KCNIP4: variants seen among roughly 807,000 people sequenced by gnomAD.
The protein encoded by KCNIP4 is potassium voltage-gated channel interacting protein 4.
Under a neutral mutation model 34.0 loss-of-function variants are expected in KCNIP4, and 12 were observed. The ratio of observed to expected loss-of-function variants is 0.35; its 90% CI spans 0.23 to 0.57. The LOEUF is 0.57. Ranked by LOEUF, KCNIP4 falls within the 20% of genes least tolerant of loss-of-function variation. The pLI, the probability that KCNIP4 is intolerant of heterozygous loss-of-function variation, is 0.83. For synonymous variants in KCNIP4, 124 were observed against 102.2 expected (o/e 1.21, Z -1.29); for missense variants, 238 against 311.7 (o/e 0.76, Z 1.78).
At chr4:21,191,406 C>A (rs77923992) in intron 1 of KCNIP4, among the ~76,000 whole-genome samples, 2 of 152,176 alleles carry the variant, frequency 1.3e-5, no homozygotes, top group South Asian at 2.1e-4. Flanking sequence ...AGTTTAATGA[C>A]GGAAGATAGG....
intron 1 of KCNIP4, among the ~76,000 whole-genome samples, chr4:21,771,280 G>C (rs1718767731): frequency 2.6e-5 from 4 of 152,058 alleles, no homozygotes; most frequent in African/African-American, 7.2e-5. Flanking sequence ...TGAGATCTCT[G>C]TTCTGCTTCA....
intron 1 of KCNIP4, among the ~76,000 whole-genome samples, chr4:20,975,446 G>A (rs139965106): frequency 0.015 from 2,337 of 152,220 alleles, 36 homozygotes; most frequent in Middle Eastern, 0.037. Flanking sequence ...AGGGCACTCA[G>A]GCATTGACTC....
intron 1 of KCNIP4, among the ~76,000 whole-genome samples, chr4:21,570,515 G>A (rs1304764686): frequency 6.6e-6 from 1 of 152,084 alleles, no homozygotes; most frequent in African/African-American, 2.4e-5. Context: ...TGTAATATAG[G>A]AAGAAGTAGA....
At chr4:21,943,392 G>A (rs559797095) in intron 1 of KCNIP4, among the ~76,000 whole-genome samples, 1 of 151,934 alleles carries the variant, frequency 6.6e-6, no homozygotes, top group Non-Finnish European at 1.5e-5. Context: ...CTAAGCAGTG[G>A]GTAAAACAGG....
At chr4:20,955,113 C>T (rs1733159691) in intron 1 of KCNIP4, among the ~76,000 whole-genome samples, 3 of 152,136 alleles carry the variant, frequency 2.0e-5, no homozygotes, top group African/African-American at 7.2e-5. Context: ...ATTGCAGTGG[C>T]AGCTTCCTTG....
At chr4:20,948,581 C>T (rs1732442379) in intron 1 of KCNIP4, among the ~76,000 whole-genome samples, 2 of 152,206 alleles carry the variant, frequency 1.3e-5, no homozygotes, top group Admixed American at 1.3e-4. Context: ...GGGAAACAGG[C>T]TTTCTGCCTG....
chr4:21,045,043 G>C (rs922569559), intron 1 of KCNIP4, among the ~76,000 whole-genome samples: 1 of 152,220 alleles, frequency 6.6e-6, no homozygotes, highest in Non-Finnish European at 1.5e-5. Flanking sequence ...TTCATTAAGA[G>C]ATGCATGCAT....
chr4:21,305,674 A>G (rs1335894265), intron 1 of KCNIP4, among the ~76,000 whole-genome samples: 2 of 152,326 alleles, frequency 1.3e-5, no homozygotes, highest in East Asian at 3.9e-4. Flanking sequence ...ATTGCACCTC[A>G]GTGGTCTTAC....
At chr4:21,931,638 A>G (rs910105822) in intron 1 of KCNIP4, among the ~76,000 whole-genome samples, 2 of 151,902 alleles carry the variant, frequency 1.3e-5, no homozygotes, top group African/African-American at 4.8e-5. Flanking sequence ...AATGTATTCA[A>G]TGGTGTATAT....
At chr4:21,762,305 C>A (rs574102355) in intron 1 of KCNIP4, among the ~76,000 whole-genome samples, 66 of 152,152 alleles carry the variant, frequency 4.3e-4, no homozygotes, top group African/African-American at 1.5e-3. Flanking sequence ...TACCACACAT[C>A]CCAATTTGGA....
intron 3 of KCNIP4, among the ~76,000 whole-genome samples, chr4:20,781,172 G>A (rs1157616): frequency 0.074 from 11,186 of 152,078 alleles, 541 homozygotes; most frequent in Admixed American, 0.13. Flanking sequence ...AAGACCAGTC[G>A]GAAGATGAAA....
intron 1 of KCNIP4, among the ~76,000 whole-genome samples, chr4:21,052,180 G>A (rs528605141): frequency 4.6e-4 from 70 of 152,076 alleles, no homozygotes; most frequent in African/African-American, 1.6e-3. Context: ...TAGATAAATC[G>A]TCTTGCCATT....
chr4:21,785,158 T>C (rs1274137426), intron 1 of KCNIP4, among the ~76,000 whole-genome samples: 1 of 152,174 alleles, frequency 6.6e-6, no homozygotes, highest in African/African-American at 2.4e-5. Context: ...GAAATTATTT[T>C]TGTAGTAGCT....
chr4:21,417,045 A>G (rs1490771863), intron 1 of KCNIP4, among the ~76,000 whole-genome samples: 1 of 152,204 alleles, frequency 6.6e-6, no homozygotes, highest in Non-Finnish European at 1.5e-5. Flanking sequence ...TTTTGTAAGG[A>G]AATGATGGCA....
chr4:20,820,341 G>A (rs1372321908), intron 3 of KCNIP4, among the ~76,000 whole-genome samples: 1 of 152,218 alleles, frequency 6.6e-6, no homozygotes, highest in Non-Finnish European at 1.5e-5. Flanking sequence ...TTAGTGCTTA[G>A]TCAGAAGCTG....
chr4:20,832,694 T>C lies in KCNIP4; in HGVS notation c.288+17849A>G, dbSNP rs1457047554. Among the ~76,000 whole-genome samples the C allele has an allele frequency of 2.0e-4, 31 of 151,638 alleles. 1 individual carries two copies. The highest frequency in any genetic ancestry group is 2.9e-5 in the Non-Finnish European group (2 of 67,980). On this transcript the variant is annotated intron_variant, in intron 3 of 8. Coordinates refer to ENST00000382152, the MANE Select transcript of KCNIP4 (RefSeq NM_025221.6). ...TTTAGAAAAAAGTGGTTTTGCTTAT[T>C]TCCTTGTTGACCTATTTGAATGCTT...
At chr4:21,945,579 A>G (rs1730466513) in intron 1 of KCNIP4, among the ~76,000 whole-genome samples, 1 of 152,180 alleles carries the variant, frequency 6.6e-6, no homozygotes, top group Non-Finnish European at 1.5e-5. Context: ...TTACTCTACT[A>G]TTGAAACATA....
intron 1 of KCNIP4, among the ~76,000 whole-genome samples, chr4:20,958,376 C>A (rs140084919): frequency 3.3e-5 from 5 of 152,160 alleles, no homozygotes; most frequent in Admixed American, 1.3e-4. Flanking sequence ...CAGACTTCGA[C>A]CAAAGTCAAA....
intron 1 of KCNIP4, among the ~76,000 whole-genome samples, chr4:21,643,123 CTTTGTTAT>C (rs1746735691): frequency 6.6e-6 from 1 of 152,044 alleles, no homozygotes. Flanking sequence ...GTGTATTTTT[CTTTGTTAT>C]TTTGTTATGA....
Sources: allele counts gnomAD v4.1 joint callset (sites outside exome capture counted in the v4.1 genomes callset), GRCh38; gene constraint gnomAD v4.1.1; transcripts MANE v1.5; gene names NCBI Gene and HGNC (gene_info 2026-07-23, HGNC 2026-07-21).